LRRTM4: variants seen among roughly 807,000 people sequenced by gnomAD.
LRRTM4 encodes leucine rich repeat transmembrane neuronal 4.
A neutral mutation model predicts 47.6 loss-of-function variants in LRRTM4; 25 were observed. That is an observed-to-expected ratio of 0.53 (90% CI 0.38 to 0.73). The LOEUF (loss-of-function observed/expected upper bound fraction) is 0.73, where lower values mean the gene tolerates loss of function less well. LRRTM4 is among the 30% of genes least tolerant of loss of function. LRRTM4 has a pLI of 0.00. For synonymous variants in LRRTM4, 311 were observed against 269.5 expected, an observed-to-expected ratio of 1.15 and a Z score of -1.51; for missense variants, 638 against 713.4, an observed-to-expected ratio of 0.89 and a Z score of 1.20.
At chr2:76,975,928 T>C (rs964338688) in intron 3 of LRRTM4, among the ~76,000 whole-genome samples, 2 of 151,868 alleles carry the variant, frequency 1.3e-5, no homozygotes, top group Non-Finnish European at 2.9e-5. Context: ...TTTTTCCTAA[T>C]GAAATAAATA....
intron 3 of LRRTM4, among the ~76,000 whole-genome samples, chr2:76,764,888 C>G (rs1335522114): frequency 1.3e-5 from 2 of 152,180 alleles, no homozygotes; most frequent in African/African-American, 4.8e-5. Context: ...GGGGAAAAGA[C>G]TGATTGCTCC....
At chr2:77,173,716 C>T (rs1012359402) in intron 3 of LRRTM4, among the ~76,000 whole-genome samples, 2 of 152,144 alleles carry the variant, frequency 1.3e-5, no homozygotes, top group African/African-American at 4.8e-5. Context: ...ATCCTCCTGC[C>T]TCAGCCTCCT....
chr2:77,253,685 G>A (rs1675683909), intron 3 of LRRTM4, among the ~76,000 whole-genome samples: 1 of 151,928 alleles, frequency 6.6e-6, no homozygotes, highest in African/African-American at 2.4e-5. Context: ...TCCTCTATGA[G>A]CAATTATGAT....
In LRRTM4 at chr2:77,169,039, A is replaced by T. The variant is rs1324897643; in HGVS notation, c.1551+349279T>A. Among the ~76,000 whole-genome samples, 5 of 151,918 alleles carry T rather than the reference A, an allele frequency of 3.3e-5. No homozygotes were observed. In the East Asian group the frequency reaches 7.7e-4, roughly 23 times the overall value. On this transcript the variant is annotated intron_variant, in intron 3 of 3. Coordinates refer to ENST00000409884, the MANE Select transcript of LRRTM4 (RefSeq NM_001134745.3). ...ATATAATTCAATATCCTTTTATGAT[A>T]AAAAACTCTGAAAAAGTAGGCATAG...
chr2:76,963,335 A>G (rs1675922943), intron 3 of LRRTM4, among the ~76,000 whole-genome samples: 1 of 150,852 alleles, frequency 6.6e-6, no homozygotes, highest in Admixed American at 6.6e-5. Context: ...AGGCATTACT[A>G]TTAGTTATCA....
At chr2:77,229,416 T>C (rs1008065349) in intron 3 of LRRTM4, among the ~76,000 whole-genome samples, 1 of 152,132 alleles carries the variant, frequency 6.6e-6, no homozygotes, top group African/African-American at 2.4e-5. Context: ...TTCTTTGATA[T>C]ATGAGAAAAT....
intron 3 of LRRTM4, among the ~76,000 whole-genome samples, chr2:77,482,443 C>T (rs1476297599): frequency 3.4e-5 from 1 of 29,502 alleles, no homozygotes; most frequent in Non-Finnish European, 7.3e-5. Context: ...ATTTTTTAAA[C>T]ACACACACAC....
intron 3 of LRRTM4, among the ~76,000 whole-genome samples, chr2:77,149,427 A>G (rs531227403): frequency 3.3e-5 from 5 of 152,222 alleles, no homozygotes; most frequent in African/African-American, 4.8e-5. Flanking sequence ...AGCTTCATTA[A>G]TTTCACAGAT....
intron 3 of LRRTM4, among the ~76,000 whole-genome samples, chr2:77,288,986 C>T (rs1234800332): frequency 6.6e-6 from 1 of 151,976 alleles, no homozygotes; most frequent in African/African-American, 2.4e-5. Flanking sequence ...AACAGTTTGC[C>T]CTTTGCAATA....
chr2:76,836,447 TCA>T (rs1671515591), intron 3 of LRRTM4, among the ~76,000 whole-genome samples: 1 of 152,024 alleles, frequency 6.6e-6, no homozygotes, highest in African/African-American at 2.4e-5. Flanking sequence ...GGGCATTTTT[TCA>T]CACTTTCCTG....
chr2:77,082,562 A>G (rs1340426201), intron 3 of LRRTM4, among the ~76,000 whole-genome samples: 1 of 152,138 alleles, frequency 6.6e-6, no homozygotes, highest in Non-Finnish European at 1.5e-5. Flanking sequence ...TTATATATAT[A>G]TAGGTCAATG....
intron 3 of LRRTM4, among the ~76,000 whole-genome samples, chr2:77,143,983 A>G (rs901675442): frequency 6.6e-6 from 1 of 152,190 alleles, no homozygotes; most frequent in African/African-American, 2.4e-5. Context: ...TGAGAGACAG[A>G]GATTAATATT....
chr2:76,891,854 T>G (rs939423610), intron 3 of LRRTM4, among the ~76,000 whole-genome samples: 6 of 151,688 alleles, frequency 4.0e-5, no homozygotes, highest in African/African-American at 1.4e-4. Flanking sequence ...AGATAAAAGA[T>G]TCATTAATTT....
intron 3 of LRRTM4, among the ~76,000 whole-genome samples, chr2:76,846,961 T>C (rs1671853789): frequency 6.6e-6 from 1 of 152,134 alleles, no homozygotes; most frequent in Non-Finnish European, 1.5e-5. Context: ...AAAAACAAAC[T>C]CTTCCAGCTG....
chr2:77,121,126 G>A (rs1332526001), intron 3 of LRRTM4, among the ~76,000 whole-genome samples: 1 of 151,734 alleles, frequency 6.6e-6, no homozygotes, highest in African/African-American at 2.4e-5. Context: ...AGTTTTTTGG[G>A]GGAATAGGGA....
chr2:76,793,219 T>C (rs1005126232), intron 3 of LRRTM4, among the ~76,000 whole-genome samples: 5 of 152,180 alleles, frequency 3.3e-5, no homozygotes, highest in African/African-American at 4.8e-5. Flanking sequence ...CACTCATCTC[T>C]TGGTGTTGTC....
chr2:77,387,615 C>T (rs1673334662), intron 3 of LRRTM4, among the ~76,000 whole-genome samples: 2 of 152,108 alleles, frequency 1.3e-5, no homozygotes, highest in South Asian at 4.1e-4. Context: ...ATGCTGCCTG[C>T]TTTGCCTGGA....
At chr2:77,182,884 T>A (rs893459200) in intron 3 of LRRTM4, among the ~76,000 whole-genome samples, 6 of 152,140 alleles carry the variant, frequency 3.9e-5, no homozygotes, top group African/African-American at 1.4e-4. Context: ...TAGCCATATG[T>A]AGAAAGCTGA....
At chr2:76,985,303 G>C (rs1553440464) in intron 3 of LRRTM4, among the ~76,000 whole-genome samples, 1 of 152,018 alleles carries the variant, frequency 6.6e-6, no homozygotes, top group Non-Finnish European at 1.5e-5. Flanking sequence ...AATGGTGGGG[G>C]ATAATGTTTC....
Sources: allele counts gnomAD v4.1 joint callset (sites outside exome capture counted in the v4.1 genomes callset), GRCh38; gene constraint gnomAD v4.1.1; transcripts MANE v1.5; gene names NCBI Gene and HGNC (gene_info 2026-07-23, HGNC 2026-07-21).